The following NCKAP5 variants were observed in gnomAD, a reference collection of about 807,000 sequenced individuals.
NCKAP5 encodes nck-associated protein 5.
In NCKAP5, 92 loss-of-function variants were observed where a neutral mutation model predicts 167.0. That is an observed-to-expected ratio of 0.55 (90% confidence interval 0.47 to 0.66). The LOEUF (loss-of-function observed/expected upper bound fraction) is 0.66, where lower values mean the gene tolerates loss of function less well. Among genes scored for constraint, NCKAP5 ranks in the 30% least tolerant of loss-of-function variants. The pLI, the probability that NCKAP5 is intolerant of heterozygous loss-of-function variation, is 0.00. For missense variants in NCKAP5, 2,378 were observed against 2,315.0 expected (o/e 1.03, Z -0.56); for synonymous variants, 891 against 877.4 (o/e 1.02, Z -0.27).
At position 133,462,608 on chromosome 2, in the gene NCKAP5, G is replaced by A. The variant is rs1371003683; in HGVS notation, c.69+54850C>T. ...TCACAAGTAGATGAGAACTAGCAAC[G>A]CAAGCCTAGAGTTTTACTACTGAGT... is the stretch of plus-strand genomic sequence containing the variant. On this transcript the variant is annotated intron_variant, in intron 3 of 19. Transcript: ENST00000409261. Among the ~76,000 whole-genome samples the A allele has an allele frequency of 6.6e-5, 10 of 152,184 alleles. No individual in the cohort carries two copies. The East Asian group carries it at 7.7e-4, about 12-fold the overall frequency.
intron 8 of NCKAP5, among the ~76,000 whole-genome samples, chr2:132,913,448 A>C (rs1260279057): frequency 6.6e-6 from 1 of 152,044 alleles, no homozygotes; most frequent in Admixed American, 6.5e-5. Flanking sequence ...ACTAGAGACA[A>C]GAAGAACAAT....
At chr2:133,255,329 A>C (rs1210182631) in intron 4 of NCKAP5, among the ~76,000 whole-genome samples, 1 of 152,208 alleles carries the variant, frequency 6.6e-6, no homozygotes, top group African/African-American at 2.4e-5. Flanking sequence ...ACTCTTTTAA[A>C]AATGCAAAAT....
intron 19 of NCKAP5, among the ~76,000 whole-genome samples, chr2:132,704,187 C>A (rs950872298): frequency 3.3e-5 from 5 of 152,152 alleles, no homozygotes; most frequent in African/African-American, 9.7e-5. Context: ...GGAACCCTTT[C>A]AAGTGGTGGC....
intron 11 of NCKAP5, among the ~76,000 whole-genome samples, chr2:132,839,938 A>T (rs1026584242): frequency 1.3e-5 from 2 of 149,942 alleles, no homozygotes; most frequent in Non-Finnish European, 2.9e-5. Flanking sequence ...AGGAAAAGAA[A>T]ATATATTTAC....
At chr2:133,134,781 T>C (rs2082730369) in intron 5 of NCKAP5, among the ~76,000 whole-genome samples, 1 of 152,260 alleles carries the variant, frequency 6.6e-6, no homozygotes, top group Non-Finnish European at 1.5e-5. Context: ...TCTATGTTTC[T>C]GACCTTTTCT....
intron 2 of NCKAP5, among the ~76,000 whole-genome samples, chr2:133,522,759 GA>G (rs1322383290): frequency 1.3e-5 from 2 of 152,182 alleles, no homozygotes; most frequent in African/African-American, 4.8e-5. Flanking sequence ...AAGCCTCAAA[GA>G]AAACATTTTG....
At chr2:133,202,938 G>C (rs1374208215) in intron 5 of NCKAP5, among the ~76,000 whole-genome samples, 1 of 152,134 alleles carries the variant, frequency 6.6e-6, no homozygotes, top group Non-Finnish European at 1.5e-5. Flanking sequence ...TTACACTGTT[G>C]GTGGGACTGT....
intron 4 of NCKAP5, among the ~76,000 whole-genome samples, chr2:133,234,176 GGGATTTCAAGGCT>G (rs1338546035): frequency 6.6e-6 from 1 of 152,140 alleles, no homozygotes; most frequent in Non-Finnish European, 1.5e-5. Flanking sequence ...TCTTATGAAG[GGGATTTCAAGGCT>G]GGTCATCAGT....
the NCKAP5 span, among the ~76,000 whole-genome samples, chr2:133,625,407 T>C: frequency 2.0e-5 from 3 of 152,068 alleles, no homozygotes; most frequent in Non-Finnish European, 4.4e-5. Context: ...TAAGTAACAA[T>C]TTGCACCAAA....
At chr2:133,273,392 G>A (rs916550632) in intron 4 of NCKAP5, among the ~76,000 whole-genome samples, 1 of 151,924 alleles carries the variant, frequency 6.6e-6, no homozygotes, top group Non-Finnish European at 1.5e-5. Flanking sequence ...TGGGTTATTT[G>A]TCTTTTGATT....
At chr2:133,141,666 T>C (rs897246045) in intron 5 of NCKAP5, among the ~76,000 whole-genome samples, 2 of 152,198 alleles carry the variant, frequency 1.3e-5, no homozygotes, top group African/African-American at 4.8e-5. Context: ...CAACTACTTT[T>C]TATTCATTTG....
intron 10 of NCKAP5, among the ~76,000 whole-genome samples, chr2:132,864,695 T>C (rs1690202183): frequency 6.6e-6 from 1 of 152,216 alleles, no homozygotes; most frequent in Non-Finnish European, 1.5e-5. Context: ...AAAATGCTGA[T>C]TGCTTAGAAG....
intron 16 of NCKAP5, among the ~76,000 whole-genome samples, chr2:132,747,419 A>C (rs1194129601): frequency 2.6e-5 from 4 of 152,122 alleles, no homozygotes; most frequent in African/African-American, 9.7e-5. Flanking sequence ...TCTTTTCAAT[A>C]ATCGTGGGAA....
chr2:133,641,212 T>C, the NCKAP5 span, among the ~76,000 whole-genome samples: 3 of 152,238 alleles, frequency 2.0e-5, no homozygotes, highest in Non-Finnish European at 4.4e-5. Flanking sequence ...ATTTCTCTGC[T>C]TTCTCATAGT....
intron 13 of NCKAP5, among the ~76,000 whole-genome samples, chr2:132,788,655 G>T (rs190857501): frequency 3.9e-5 from 6 of 152,132 alleles, no homozygotes; most frequent in African/African-American, 1.4e-4. Flanking sequence ...ATTTCTCATC[G>T]ACTAGAGCCA....
chr2:132,753,490 T>C lies in NCKAP5; in HGVS notation c.5128+20326A>G, dbSNP rs1182378946. Among the ~76,000 whole-genome samples, 6 of 151,690 alleles carry C rather than the reference T, an allele frequency of 4.0e-5. No homozygotes were observed. The East Asian group carries it at 1.2e-3, about 29-fold the overall frequency. ...GATGAGGCAAAGGAGGCTCAGGGGG[T>C]GGAGAGGGAAAGTAGCTTGTCTAGG... On this transcript the variant is annotated intron_variant, in intron 16 of 19. Coordinates refer to ENST00000409261, the MANE Select transcript of NCKAP5 (RefSeq NM_207363.3).
At chr2:133,642,584 T>A in the NCKAP5 span, among the ~76,000 whole-genome samples, 1 of 152,108 alleles carries the variant, frequency 6.6e-6, no homozygotes, top group Non-Finnish European at 1.5e-5. Flanking sequence ...TATTTATAAC[T>A]AAAGGATGGT....
At chr2:133,460,712 CA>C (rs1692148218) in intron 3 of NCKAP5, among the ~76,000 whole-genome samples, 1 of 152,046 alleles carries the variant, frequency 6.6e-6, no homozygotes, top group Non-Finnish European at 1.5e-5. Context: ...GCAGAAATAG[CA>C]CCTAAATCAA....
intron 19 of NCKAP5, among the ~76,000 whole-genome samples, chr2:132,682,189 G>A (rs1685320841): frequency 6.6e-6 from 1 of 152,128 alleles, no homozygotes; most frequent in African/African-American, 2.4e-5. Flanking sequence ...CTAGTTTATG[G>A]CAGCAATTGT....
Sources: gnomAD v4.1 joint callset for allele counts (sites outside exome capture counted in the v4.1 genomes callset) on GRCh38, gnomAD v4.1.1 for gene constraint, MANE v1.5 for transcripts, NCBI Gene and HGNC (gene_info 2026-07-23, HGNC 2026-07-21) for gene names.